Variants in PIEZO2 observed in about 807,000 individuals in gnomAD.
The protein encoded by PIEZO2 is piezo type mechanosensitive ion channel component 2.
In PIEZO2, 172 loss-of-function variants were observed where a neutral mutation model predicts 337.3. The ratio of observed to expected loss-of-function variants is 0.51; its 90% CI spans 0.45 to 0.58. The LOEUF is 0.58. Among genes scored for constraint, PIEZO2 ranks in the 20% least tolerant of loss-of-function variants. The pLI, the probability that PIEZO2 is intolerant of heterozygous loss-of-function variation, is 0.00. For missense variants in PIEZO2, 3,028 were observed against 3,391.3 expected, an observed-to-expected ratio of 0.89 and a Z score of 2.66; for synonymous variants, 1,251 against 1,228.5, an observed-to-expected ratio of 1.02 and a Z score of -0.38.
intron 2 of PIEZO2, among the ~76,000 whole-genome samples, chr18:10,981,814 C>T (rs1241274202): frequency 1.3e-5 from 2 of 152,156 alleles, no homozygotes; most frequent in East Asian, 3.9e-4. Context: ...GTCTTCTGGC[C>T]TCCATCTTTC....
At chr18:10,698,713 G>A (rs1024206366) in intron 44 of PIEZO2, among the ~76,000 whole-genome samples, 1 of 152,196 alleles carries the variant, frequency 6.6e-6, no homozygotes, top group Non-Finnish European at 1.5e-5. Context: ...CTTGTCCTGA[G>A]ATACAATAAG....
chr18:11,018,559 G>A (rs369989903), intron 2 of PIEZO2, among the ~76,000 whole-genome samples: 32 of 152,180 alleles, frequency 2.1e-4, no homozygotes, highest in African/African-American at 7.2e-4. Flanking sequence ...TGTGAATCCC[G>A]CTGAAGAATC....
At chr18:10,728,584 T>G (rs1476643502) in intron 36 of PIEZO2, 3 of 152,088 alleles carry the variant, frequency 2.0e-5, no homozygotes, top group Non-Finnish European at 2.9e-5. Flanking sequence ...GATATGATTT[T>G]ATAAATACTT....
rs1453071896 is a variant in PIEZO2 at position 10,867,771 on chromosome 18, CT to C, written c.492+3481del. On this transcript the variant is annotated intron_variant, in intron 5 of 55. Coordinates refer to ENST00000674853, the MANE Select transcript of PIEZO2 (RefSeq NM_001378183.1). ...ATATTGTTTTATTATGTAAATAACT[CT>C]TTTCTACTCAATTTAATCTTCATAA... is the stretch of plus-strand genomic sequence containing the variant. 3.0e-4 allele frequency among the ~76,000 whole-genome samples: 46 copies of C among 152,284 alleles called. 1 individual carries two copies. Among genetic ancestry groups the C allele is most frequent in the African/African-American group, 1.0e-3 (42 of 41,576 alleles).
chr18:10,789,408 G>A, intron 14 of PIEZO2, 43 bp from the exon 15 acceptor site: 1 of 1,501,304 alleles, frequency 6.7e-7, no homozygotes, highest in Non-Finnish European at 8.8e-7. Context: ...CTGGTTATCT[G>A]TGCAGACCAC....
In PIEZO2 at chr18:10,973,972, TGCAGATCTAG is replaced by T. The variant is rs560229943; in HGVS notation, c.286+5553_286+5562del. Reference sequence around the variant, plus strand: ...TGAGGATGGATCCACCAGGTGATTCTGCAGATCTAGGGTCCATCTCCAATTAGCACAACTA... The same window carrying T: ...TGAGGATGGATCCACCAGGTGATTCTGGTCCATCTCCAATTAGCACAACTA... On this transcript the variant is annotated intron_variant, in intron 3 of 55. Transcript: ENST00000674853. The surrounding 1 kb of genome is among the most constrained non-coding windows in gnomAD (Gnocchi z 4.9). 3.3e-5 allele frequency among the ~76,000 whole-genome samples: 5 copies of T among 152,346 alleles called. No individual in the cohort carries two copies. The South Asian group carries it at 6.2e-4, about 19-fold the overall frequency.
intron 3 of PIEZO2, among the ~76,000 whole-genome samples, chr18:10,920,375 G>C (rs1355685518): frequency 6.6e-6 from 1 of 152,068 alleles, no homozygotes; most frequent in African/African-American, 2.4e-5. Flanking sequence ...AAAGTTATCG[G>C]AACAGTTAGG....
chr18:10,698,938 G>A lies in PIEZO2; in HGVS notation c.6681C>T (p.Asn2227=), dbSNP rs1434829901. The part of the protein sequence containing the change: ...EPSQRSSFSS[N]RSQRGSTSTR... ...GTCGACAGATACCTCTTTGGGATCT[G>A]TTTGAAGAAAAGCTGGATCTCTGGG... Residue 2227 remains asparagine, a synonymous_variant, in exon 44 of 56, where the codon AAC becomes AAT. Transcript: ENST00000674853. The A allele has an allele frequency of 6.5e-7, 1 of 1,536,326 alleles. No homozygotes were observed. Among genetic ancestry groups the A allele is most frequent in the Non-Finnish European group, 8.7e-7 (1 of 1,146,922 alleles).
rs1490184534 is a variant in PIEZO2 at position 11,126,594 on chromosome 18, T to A, written c.64+21931A>T. On this transcript the variant is annotated intron_variant, in intron 1 of 55. Coordinates refer to ENST00000674853, the MANE Select transcript of PIEZO2 (RefSeq NM_001378183.1). The surrounding 1 kb of genome is among the most constrained non-coding windows in gnomAD (Gnocchi z 4.6). The stretch of plus-strand genomic sequence containing the variant: ...CAGAGAAGCTGAACTATCTATGGTT[T>A]AAAGAGGATCTCAAGAGCAGGAGCC... Among the ~76,000 whole-genome samples, 1 of 151,982 alleles carries A rather than the reference T, an allele frequency of 6.6e-6. No individual in the cohort carries two copies. The highest frequency in any genetic ancestry group is 2.4e-5 in the African/African-American group (1 of 41,404).
At chr18:10,823,520 G>A (rs949011831) in intron 7 of PIEZO2, among the ~76,000 whole-genome samples, 7 of 152,186 alleles carry the variant, frequency 4.6e-5, no homozygotes, top group Admixed American at 3.9e-4. Context: ...AATCAAAGCT[G>A]CACATTATTT....
In PIEZO2 at chr18:11,031,407, A is replaced by G. The variant is rs750990200; in HGVS notation, c.160+34720T>C. ...CTTTTGAAAGTATACTCCACTCTTA[A>G]TTCTTACATTTTATACCAGAAAAAA... On this transcript the variant is annotated intron_variant, in intron 2 of 55. Coordinates refer to ENST00000674853, the MANE Select transcript of PIEZO2 (RefSeq NM_001378183.1). The surrounding 1 kb of genome is among the most constrained non-coding windows in gnomAD (Gnocchi z 4.7). Among the ~76,000 whole-genome samples, 1 of 151,908 alleles carries G rather than the reference A, an allele frequency of 6.6e-6. No homozygotes were observed. Among genetic ancestry groups the G allele is most frequent in the Non-Finnish European group, 1.5e-5 (1 of 67,976 alleles).
At chr18:10,947,960 T>A (rs463140) in intron 3 of PIEZO2, among the ~76,000 whole-genome samples, 85,990 of 150,870 alleles carry the variant, frequency 0.57, 24,712 homozygotes, top group African/African-American at 0.62. Context: ...AATTAAACAA[T>A]TAAAATAAAA....
rs2033812067 is a variant in PIEZO2, at chr18:10,962,234, G to T, written c.286+17301C>A. 6.6e-6 allele frequency among the ~76,000 whole-genome samples: 1 copy of T among 152,138 alleles called. No individual in the cohort carries two copies. Among genetic ancestry groups the T allele is most frequent in the Non-Finnish European group, 1.5e-5 (1 of 68,022 alleles). ...TAATGCAAAACGATGGTGATCCCAG[G>T]CTACACTGGCAACAGGTTAAATACG... On this transcript the variant is annotated intron_variant, in intron 3 of 55. Transcript: ENST00000674853. This position sits in a 1 kb window ranked among gnomAD's most constrained non-coding sequence, Gnocchi z 4.1.
At chr18:10,946,679 G>C (rs959393997) in intron 3 of PIEZO2, among the ~76,000 whole-genome samples, 1 of 152,210 alleles carries the variant, frequency 6.6e-6, no homozygotes, top group African/African-American at 2.4e-5. Flanking sequence ...AGGGCTTAGT[G>C]GAAAGCTGAA....
chr18:10,931,515 T>C (rs890034341), intron 3 of PIEZO2, among the ~76,000 whole-genome samples: 2 of 152,210 alleles, frequency 1.3e-5, no homozygotes, highest in East Asian at 3.8e-4. Context: ...CTTATAATTT[T>C]AATAGACTCT....
chr18:10,876,145 T>C (rs1300679044), intron 4 of PIEZO2, among the ~76,000 whole-genome samples: 2 of 152,258 alleles, frequency 1.3e-5, no homozygotes, highest in African/African-American at 4.8e-5. Context: ...TCTTCAGTGC[T>C]TACTAAAGTA....
intron 53 of PIEZO2, 114 bp from the exon 54 acceptor site, chr18:10,675,402 T>G (rs1268172119): frequency 3.4e-6 from 2 of 593,650 alleles, no homozygotes; most frequent in South Asian, 2.5e-5. Flanking sequence ...GAAAGTTTCA[T>G]ATATCTGTAC....
chr18:10,828,138 TTG>T lies in PIEZO2; in HGVS notation c.918-20866_918-20865del, dbSNP rs1287861493. Among the ~76,000 whole-genome samples the T allele has an allele frequency of 2.4e-4, 21 of 89,056 alleles. No homozygotes were observed. In the East Asian group the frequency reaches 6.3e-3, roughly 27 times the overall value. 58.4% of individuals were successfully genotyped at this position (89,056 alleles called of 152,430 possible). ...ACGGTTTTTTTTTGTTTGTTTGTTT[TTG>T]TTTTTTTTTTTTTTTACAGTAAAAC... On this transcript the variant is annotated intron_variant, in intron 7 of 55. Transcript: ENST00000674853. This position sits in a 1 kb window ranked among gnomAD's most constrained non-coding sequence, Gnocchi z 4.1.
At chr18:10,691,106 C>T in intron 48 of PIEZO2, 119 bp downstream of exon 48, 1 of 1,186,648 alleles carries the variant, frequency 8.4e-7, no homozygotes, top group Non-Finnish European at 1.2e-6. Flanking sequence ...GTAAGAGTTC[C>T]ACAACGATTC....
Sources: allele counts gnomAD v4.1 joint callset (sites outside exome capture counted in the v4.1 genomes callset), GRCh38; gene constraint gnomAD v4.1.1; non-coding constraint Gnocchi (gnomAD v3.1); transcripts MANE v1.5; gene names NCBI Gene and HGNC (gene_info 2026-07-23, HGNC 2026-07-21).